PCDH9: variants seen among roughly 807,000 people sequenced by gnomAD.
PCDH9 encodes protocadherin 9.
PCDH9 carries 24 observed loss-of-function variants against 70.6 expected under a neutral mutation model. The ratio of observed to expected loss-of-function variants is 0.34; its 90% CI spans 0.25 to 0.48. PCDH9 has a LOEUF of 0.48. Among genes scored for constraint, PCDH9 ranks in the 20% least tolerant of loss-of-function variants. PCDH9 has a pLI of 0.99. For synonymous variants in PCDH9, 562 were observed against 558.5 expected, an observed-to-expected ratio of 1.01 and a Z score of -0.09; for missense variants, 1,281 against 1,503.6, an observed-to-expected ratio of 0.85 and a Z score of 2.45.
chr13:66,622,270 C>T (rs1478966571), intron 4 of PCDH9, among the ~76,000 whole-genome samples: 4 of 152,198 alleles, frequency 2.6e-5, no homozygotes, highest in Admixed American at 6.5e-5. Context: ...GCCTACCCTA[C>T]GAGTGCAGCC....
intron 2 of PCDH9, among the ~76,000 whole-genome samples, chr13:66,958,411 T>A (rs1194954659): frequency 1.3e-5 from 2 of 152,220 alleles, no homozygotes; most frequent in East Asian, 3.8e-4. Flanking sequence ...ATAGAATAAT[T>A]CATTGTTCAG....
intron 2 of PCDH9, among the ~76,000 whole-genome samples, chr13:67,129,542 T>C (rs1395644277): frequency 6.6e-6 from 1 of 151,996 alleles, no homozygotes; most frequent in Non-Finnish European, 1.5e-5. Context: ...GAGTCACTGG[T>C]TAAAATAATA....
chr13:66,559,431 A>G (rs1961896222), intron 4 of PCDH9, among the ~76,000 whole-genome samples: 1 of 152,182 alleles, frequency 6.6e-6, no homozygotes, highest in African/African-American at 2.4e-5. Flanking sequence ...TCAGGAGGAT[A>G]TGATCTCTGC....
chr13:66,705,557 T>G (rs1450276195), intron 3 of PCDH9, among the ~76,000 whole-genome samples: 1 of 152,234 alleles, frequency 6.6e-6, no homozygotes, highest in East Asian at 1.9e-4. Context: ...TTTGGTATAA[T>G]GCGTGGCATT....
At chr13:66,684,734 T>C (rs928371334) in intron 3 of PCDH9, among the ~76,000 whole-genome samples, 1 of 152,034 alleles carries the variant, frequency 6.6e-6, no homozygotes, top group Non-Finnish European at 1.5e-5. Flanking sequence ...TATAGCAGCA[T>C]AAAAATGGAC....
chr13:66,305,640 T>G (rs2138051894), intron 4 of PCDH9, among the ~76,000 whole-genome samples: 1 of 152,238 alleles, frequency 6.6e-6, no homozygotes, highest in East Asian at 1.9e-4. Context: ...AAAGAATAAC[T>G]ATTGTATCTT....
At chr13:66,308,890 C>T (rs897147904) in intron 4 of PCDH9, among the ~76,000 whole-genome samples, 2 of 151,544 alleles carry the variant, frequency 1.3e-5, no homozygotes, top group African/African-American at 2.4e-5. Flanking sequence ...GCCAAGACAG[C>T]AAAAAATAAA....
At chr13:66,969,249 G>T (rs562677182) in intron 2 of PCDH9, among the ~76,000 whole-genome samples, 1 of 152,004 alleles carries the variant, frequency 6.6e-6, no homozygotes, top group African/African-American at 2.4e-5. Context: ...TTATGAATCA[G>T]TGTTAAGCCC....
intron 2 of PCDH9, chr13:67,215,717 T>C (rs565628198): frequency 6.6e-5 from 10 of 152,262 alleles, no homozygotes; most frequent in African/African-American, 2.4e-4. Context: ...ATGTCTTTCT[T>C]GAATGATTGT....
intron 2 of PCDH9, among the ~76,000 whole-genome samples, chr13:66,911,890 G>T (rs1347887337): frequency 1.3e-5 from 2 of 152,060 alleles, no homozygotes; most frequent in Admixed American, 1.3e-4. Context: ...CGTATTCGAA[G>T]GAATACAACA....
intron 2 of PCDH9, among the ~76,000 whole-genome samples, chr13:66,906,138 A>C (rs1394775391): frequency 6.6e-6 from 1 of 152,182 alleles, no homozygotes; most frequent in African/African-American, 2.4e-5. Context: ...ATGCCACCTG[A>C]AAATGTATGC....
intron 3 of PCDH9, among the ~76,000 whole-genome samples, chr13:66,832,861 C>A (rs1416569756): frequency 2.6e-5 from 4 of 152,052 alleles, no homozygotes; most frequent in Non-Finnish European, 4.4e-5. Flanking sequence ...CAGTTATATA[C>A]TAATCATAAA....
intron 4 of PCDH9, among the ~76,000 whole-genome samples, chr13:66,480,137 C>A (rs944327507): frequency 6.6e-6 from 1 of 152,112 alleles, no homozygotes; most frequent in African/African-American, 2.4e-5. Flanking sequence ...GGAGTTTGGA[C>A]AATGTTGATT....
chr13:66,634,429 A>C (rs1004690440), intron 3 of PCDH9, among the ~76,000 whole-genome samples: 15 of 152,162 alleles, frequency 9.9e-5, no homozygotes, highest in Non-Finnish European at 1.3e-4. Context: ...AAAGACCAAT[A>C]AGGTGTAGGA....
intron 4 of PCDH9, among the ~76,000 whole-genome samples, chr13:66,626,701 T>A (rs1210078531): frequency 6.6e-6 from 1 of 151,930 alleles, no homozygotes; most frequent in Non-Finnish European, 1.5e-5. Context: ...ATTAGTGACA[T>A]ATGTGTCATA....
intron 2 of PCDH9, among the ~76,000 whole-genome samples, chr13:66,955,028 G>A (rs2083245735): frequency 6.6e-6 from 1 of 152,170 alleles, no homozygotes; most frequent in African/African-American, 2.4e-5. Context: ...CTCCCAAAGT[G>A]CTGGGATTAC....
intron 2 of PCDH9, among the ~76,000 whole-genome samples, chr13:67,100,463 C>A (rs140785626): frequency 1.4e-3 from 212 of 152,224 alleles, no homozygotes; most frequent in Admixed American, 3.1e-3. Flanking sequence ...TATCTTGAAT[C>A]ATACTAACTT....
intron 3 of PCDH9, among the ~76,000 whole-genome samples, chr13:66,817,789 C>A (rs889010136): frequency 6.6e-6 from 1 of 151,986 alleles, no homozygotes. Flanking sequence ...GTGCATGCCA[C>A]CACCCCCAAG....
intron 4 of PCDH9, among the ~76,000 whole-genome samples, chr13:66,523,318 T>A (rs1026737209): frequency 6.6e-6 from 1 of 151,962 alleles, no homozygotes; most frequent in Non-Finnish European, 1.5e-5. Flanking sequence ...CCCTACAGAA[T>A]AGGCACTATT....
Sources: gnomAD v4.1 joint callset for allele counts (sites outside exome capture counted in the v4.1 genomes callset) on GRCh38, gnomAD v4.1.1 for gene constraint, MANE v1.5 for transcripts, NCBI Gene and HGNC (gene_info 2026-07-23, HGNC 2026-07-21) for gene names.